The following RGS10 variants were observed in gnomAD, a reference collection of about 807,000 sequenced individuals.
The protein encoded by RGS10 is regulator of G-protein signalling 10.
In RGS10, 11 loss-of-function variants were observed where a neutral mutation model predicts 23.5. The observed-to-expected ratio is 0.47, with a 90% confidence interval of 0.29 to 0.77. The LOEUF (loss-of-function observed/expected upper bound fraction) is 0.77. Ranked by LOEUF, RGS10 falls within the 30% of genes least tolerant of loss-of-function variation. The pLI is 0.08. For missense variants in RGS10, 180 were observed against 226.3 expected (o/e 0.80, Z 1.31); for synonymous variants, 77 against 83.2 (o/e 0.92, Z 0.41).
rs376693925 is a variant in RGS10 at position 119,515,680 on chromosome 10, T to C, written c.256-28A>G. 9.9e-6 allele frequency: 16 copies of C among 1,612,840 alleles called. No homozygotes were observed. In the African/African-American group the frequency reaches 1.6e-4, roughly 16 times the overall value. On this transcript the variant is annotated intron_variant, in intron 3 of 4. Transcript: ENST00000369103. Reference sequence around the variant, plus strand: ...GGAGGAGACAGATGGGGCCTTGTGCTATCTGCACACACAGCCTTCCCGGCC... The same window carrying C: ...GGAGGAGACAGATGGGGCCTTGTGCCATCTGCACACACAGCCTTCCCGGCC...
chr10:119,524,862 G>A lies in RGS10; in HGVS notation c.255+1170C>T, dbSNP rs567794146. Reference sequence around the variant, plus strand: ...AGAGGAAGGTGGTGGAGAAAAGGCCGCGCTGCGCCATCCAGGAGGATGGGT... The same window carrying A: ...AGAGGAAGGTGGTGGAGAAAAGGCCACGCTGCGCCATCCAGGAGGATGGGT... On this transcript the variant is annotated intron_variant, in intron 3 of 4. Transcript: ENST00000369103. This position sits in a 1 kb window ranked among gnomAD's most constrained non-coding sequence, Gnocchi z 5.2. Among the ~76,000 whole-genome samples, 33 of 152,136 alleles carry A rather than the reference G, an allele frequency of 2.2e-4. No individual in the cohort carries two copies. The highest frequency in any genetic ancestry group is 4.3e-4 in the Non-Finnish European group (29 of 68,032).
chr10:119,501,310 AG>A (rs1371154399), intron 4 of RGS10, among the ~76,000 whole-genome samples: 4 of 152,344 alleles, frequency 2.6e-5, no homozygotes, highest in African/African-American at 9.6e-5. Context: ...CCAAGTGGAA[AG>A]TTCCAGAGAT....
intron 1 of RGS10, among the ~76,000 whole-genome samples, chr10:119,535,634 T>C (rs578188672): frequency 1.3e-5 from 2 of 152,346 alleles, no homozygotes; most frequent in Admixed American, 6.5e-5. Context: ...TCATCCTGCA[T>C]AGACAATTTC....
intron 3 of RGS10, among the ~76,000 whole-genome samples, chr10:119,518,198 G>T (rs11198985): frequency 0.043 from 6,613 of 152,290 alleles, 266 homozygotes; most frequent in East Asian, 0.2. Flanking sequence ...TGGAAGGATG[G>T]CCGACTTCTC....
At chr10:119,535,919 T>G (rs1012502875) in intron 1 of RGS10, among the ~76,000 whole-genome samples, 18 of 152,202 alleles carry the variant, frequency 1.2e-4, no homozygotes, top group African/African-American at 4.3e-4. Flanking sequence ...CAAAACTTAT[T>G]TAAAACCTCT....
In RGS10 at chr10:119,538,033, G is replaced by T. The variant is rs530312605; in HGVS notation, c.49+4557C>A. 6.6e-6 allele frequency among the ~76,000 whole-genome samples: 1 copy of T among 152,092 alleles called. No homozygotes were observed. Among genetic ancestry groups the T allele is most frequent in the East Asian group, 1.9e-4 (1 of 5,188 alleles). On this transcript the variant is annotated intron_variant, in intron 1 of 4. Coordinates refer to ENST00000369103, the MANE Select transcript of RGS10 (RefSeq NM_001005339.2). This position sits in a 1 kb window ranked among gnomAD's most constrained non-coding sequence, Gnocchi z 4.5. ...GATTATATCTTTCCTACTATTGGGG[G>T]TGTTAAAATGTCCTTTTCTGTGTGA...
chr10:119,514,075 G>A (rs1844111493), intron 4 of RGS10, among the ~76,000 whole-genome samples: 1 of 152,244 alleles, frequency 6.6e-6, no homozygotes, highest in Non-Finnish European at 1.5e-5. Flanking sequence ...GGTAGTTAGG[G>A]CCAGGCGTGG....
intron 3 of RGS10, among the ~76,000 whole-genome samples, chr10:119,525,342 GC>G (rs539962166): frequency 2.0e-5 from 3 of 152,094 alleles, no homozygotes; most frequent in African/African-American, 7.2e-5. Context: ...TCCTTAGCTG[GC>G]CCCAGTCCCC....
chr10:119,531,485 A>G (rs192508822), intron 1 of RGS10, among the ~76,000 whole-genome samples: 3 of 152,316 alleles, frequency 2.0e-5, no homozygotes, highest in African/African-American at 7.2e-5. Context: ...GAGTTAAAAG[A>G]ACTGACCTCA....
chr10:119,525,997 A>C, intron 3 of RGS10, 35 bp downstream of exon 3: 8 of 1,237,882 alleles, frequency 6.5e-6, no homozygotes, highest in Non-Finnish European at 9.1e-6. Flanking sequence ...TTGTAACTTT[A>C]TAAGGGAAAA....
At chr10:119,502,800 A>G (rs1464134987) in intron 4 of RGS10, among the ~76,000 whole-genome samples, 1 of 152,218 alleles carries the variant, frequency 6.6e-6, no homozygotes, top group Non-Finnish European at 1.5e-5. Context: ...GAAGTCCCTC[A>G]GGCAGAGGTT....
At chr10:119,515,699 C>A in intron 3 of RGS10, 47 bp from the exon 4 acceptor site, 1 of 1,608,146 alleles carries the variant, frequency 6.2e-7, no homozygotes, top group East Asian at 2.2e-5. Flanking sequence ...ACACAGCCTT[C>A]CCGGCCTGAG....
intron 4 of RGS10, among the ~76,000 whole-genome samples, chr10:119,505,322 CTTTTTTTTTTTTTT>C (rs11317053): frequency 1.1e-5 from 1 of 90,076 alleles, no homozygotes; most frequent in Non-Finnish European, 2.1e-5. Flanking sequence ...CATTCTGCAT[CTTTTTTTTTTTTTT>C]TTTTTTTTTT....
intron 3 of RGS10, among the ~76,000 whole-genome samples, chr10:119,518,012 C>T (rs765069484): frequency 1.2e-4 from 19 of 152,198 alleles, no homozygotes; most frequent in South Asian, 2.1e-4. Context: ...AACCCTGAGA[C>T]GGCGACCACA....
At chr10:119,541,511 C>T (rs916788263) in intron 1 of RGS10, among the ~76,000 whole-genome samples, 3 of 152,114 alleles carry the variant, frequency 2.0e-5, no homozygotes, top group Admixed American at 6.6e-5. Flanking sequence ...AGAAAGGTCC[C>T]ACGGCTGGTG....
intron 3 of RGS10, among the ~76,000 whole-genome samples, chr10:119,521,568 TAA>T (rs1367087408): frequency 2.3e-5 from 2 of 86,858 alleles, no homozygotes; most frequent in Non-Finnish European, 2.3e-5. Context: ...GAAACCCCAT[TAA>T]AAAAAAAAAG....
intron 3 of RGS10, among the ~76,000 whole-genome samples, chr10:119,519,132 G>A (rs372088775): frequency 7.2e-5 from 11 of 152,196 alleles, no homozygotes; most frequent in Admixed American, 4.6e-4. Context: ...GCCGGCTGAC[G>A]CTGCCCAGGC....
intron 1 of RGS10, among the ~76,000 whole-genome samples, chr10:119,539,959 C>CAAA: frequency 7.0e-6 from 1 of 143,442 alleles, no homozygotes; most frequent in African/African-American, 2.6e-5. Context: ...TTCAAAATTA[C>CAAA]AAAAAAAAAA....
At chr10:119,500,585 A>AT (rs1843941444) in intron 4 of RGS10, among the ~76,000 whole-genome samples, 1 of 151,926 alleles carries the variant, frequency 6.6e-6, no homozygotes, top group Non-Finnish European at 1.5e-5. Flanking sequence ...ATTTGCCTAG[A>AT]TAAGACAAGG....
Sources: allele counts gnomAD v4.1 joint callset (sites outside exome capture counted in the v4.1 genomes callset), GRCh38; gene constraint gnomAD v4.1.1; non-coding constraint Gnocchi (gnomAD v3.1); transcripts MANE v1.5; gene names NCBI Gene and HGNC (gene_info 2026-07-23, HGNC 2026-07-21).